The following TMTC2 variants were observed in gnomAD, a reference collection of about 807,000 sequenced individuals.
TMTC2 encodes transmembrane O-mannosyltransferase targeting cadherins 2, also known as protein O-mannosyl-transferase TMTC2.
In TMTC2, 43 loss-of-function variants were observed where a neutral mutation model predicts 82.4. That is an observed-to-expected ratio of 0.52 (90% CI 0.41 to 0.67). The LOEUF (loss-of-function observed/expected upper bound fraction) is 0.67, where lower values mean the gene tolerates loss of function less well. Among genes scored for constraint, TMTC2 ranks in the 30% least tolerant of loss-of-function variants. The pLI is 0.00. For synonymous variants in TMTC2, 408 were observed against 381.9 expected, an observed-to-expected ratio of 1.07 and a Z score of -0.80; for missense variants, 919 against 1,012.4, an observed-to-expected ratio of 0.91 and a Z score of 1.25.
chr12:82,837,510 C>T (rs1371996029), intron 1 of TMTC2, among the ~76,000 whole-genome samples: 1 of 152,166 alleles, frequency 6.6e-6, no homozygotes, highest in Non-Finnish European at 1.5e-5. Context: ...AATTAACTGT[C>T]TGTCATCCCA....
intron 3 of TMTC2, among the ~76,000 whole-genome samples, chr12:82,911,200 C>G (rs530689279): frequency 1.3e-5 from 2 of 152,070 alleles, no homozygotes; most frequent in East Asian, 3.9e-4. Flanking sequence ...TTTTACAGCC[C>G]CAGGGTTTGG....
intron 2 of TMTC2, among the ~76,000 whole-genome samples, chr12:82,875,718 A>G (rs1327448252): frequency 1.3e-5 from 2 of 152,188 alleles, no homozygotes; most frequent in South Asian, 2.1e-4. Context: ...AACCACCTCT[A>G]GAAGTTCACA....
intron 1 of TMTC2, among the ~76,000 whole-genome samples, chr12:82,694,351 G>T (rs1167652294): frequency 6.6e-6 from 1 of 152,152 alleles, no homozygotes; most frequent in Non-Finnish European, 1.5e-5. Flanking sequence ...CCTGGATTTA[G>T]ATTCCATTTT....
chr12:83,070,652 C>A (rs970709189), intron 11 of TMTC2, among the ~76,000 whole-genome samples: 5 of 152,180 alleles, frequency 3.3e-5, no homozygotes, highest in Non-Finnish European at 7.4e-5. Context: ...GACAGTTTGA[C>A]TTCCTCTTTA....
At chr12:83,089,318 A>G (rs1416760668) in intron 11 of TMTC2, among the ~76,000 whole-genome samples, 1 of 152,206 alleles carries the variant, frequency 6.6e-6, no homozygotes, top group Non-Finnish European at 1.5e-5. Context: ...TACACAAATT[A>G]ACTTGATTTC....
intron 8 of TMTC2, among the ~76,000 whole-genome samples, chr12:83,000,619 G>T (rs1238419705): frequency 1.3e-5 from 2 of 152,168 alleles, no homozygotes; most frequent in Non-Finnish European, 2.9e-5. Context: ...CTTTCCAGGT[G>T]CATGGTGCAA....
intron 11 of TMTC2, among the ~76,000 whole-genome samples, chr12:83,088,851 G>A (rs1380681047): frequency 1.3e-5 from 2 of 152,202 alleles, no homozygotes; most frequent in Non-Finnish European, 1.5e-5. Context: ...AGGGGCTGAA[G>A]AAAGAGGCTG....
At chr12:82,773,605 C>T (rs894564472) in intron 1 of TMTC2, among the ~76,000 whole-genome samples, 2 of 151,040 alleles carry the variant, frequency 1.3e-5, no homozygotes, top group Non-Finnish European at 3.0e-5. Context: ...GGATTACAGG[C>T]GTGTGCCACC....
intron 11 of TMTC2, among the ~76,000 whole-genome samples, chr12:83,103,568 A>G (rs1884297614): frequency 6.6e-6 from 1 of 152,118 alleles, no homozygotes. Context: ...GGACAGCACC[A>G]AGCCATGAGG....
chr12:82,695,161 G>A (rs758386583), intron 1 of TMTC2, among the ~76,000 whole-genome samples: 10 of 152,272 alleles, frequency 6.6e-5, no homozygotes, highest in East Asian at 1.9e-4. Context: ...TTAAAAATCC[G>A]GTGGGAAGAA....
chr12:83,002,162 T>C (rs7964391), intron 8 of TMTC2, among the ~76,000 whole-genome samples: 10,777 of 152,260 alleles, frequency 0.071, 521 homozygotes, highest in African/African-American at 0.13. Flanking sequence ...AAACTCATTA[T>C]TGATCTCTTC....
chr12:83,075,724 A>G (rs1883265427), intron 11 of TMTC2, among the ~76,000 whole-genome samples: 1 of 152,194 alleles, frequency 6.6e-6, no homozygotes, highest in South Asian at 2.1e-4. Flanking sequence ...CATTTCCCTG[A>G]CAGCTTCAGT....
chr12:82,997,709 A>T (rs1879729314), intron 8 of TMTC2, among the ~76,000 whole-genome samples: 2 of 151,818 alleles, frequency 1.3e-5, no homozygotes, highest in South Asian at 4.2e-4. Context: ...TCAAAGCAGT[A>T]TTCCTAAAAT....
intron 2 of TMTC2, among the ~76,000 whole-genome samples, chr12:82,887,339 G>A (rs2137165350): frequency 6.6e-6 from 1 of 152,270 alleles, no homozygotes; most frequent in Middle Eastern, 3.4e-3. Context: ...GAGGGGAGCT[G>A]TTATAGTTGA....
chr12:82,781,399 CTTTTTTTTTT>C (rs71068954), intron 1 of TMTC2, among the ~76,000 whole-genome samples: 1 of 121,172 alleles, frequency 8.3e-6, no homozygotes, highest in Non-Finnish European at 1.7e-5. Flanking sequence ...GGAGTTTGCT[CTTTTTTTTTT>C]TTTTTTTTTT....
chr12:82,816,964 CTTTG>C (rs1162584290), intron 1 of TMTC2, among the ~76,000 whole-genome samples: 1 of 146,282 alleles, frequency 6.8e-6, no homozygotes, highest in African/African-American at 2.5e-5. Flanking sequence ...ATTTTTCTTT[CTTTG>C]TTTTTTTTTT....
intron 1 of TMTC2, among the ~76,000 whole-genome samples, chr12:82,776,362 C>A (rs570019810): frequency 1.3e-5 from 2 of 152,090 alleles, no homozygotes; most frequent in African/African-American, 4.8e-5. Flanking sequence ...CATCCTGTGT[C>A]CACTCTGGGT....
At chr12:82,963,758 A>C (rs564892912) in intron 4 of TMTC2, among the ~76,000 whole-genome samples, 1 of 122,810 alleles carries the variant, frequency 8.1e-6, no homozygotes, top group Non-Finnish European at 1.6e-5. Context: ...CAGCATATTA[A>C]TTTCATGATC....
chr12:83,114,865 G>C lies in TMTC2; in HGVS notation c.2332-17345G>C, dbSNP rs554861480. Among the ~76,000 whole-genome samples the C allele has an allele frequency of 1.2e-3, 175 of 151,356 alleles. 1 individual carries two copies. The highest frequency in any genetic ancestry group is 0.01 in the Middle Eastern group (3 of 286). ...ATATATGTATATATCTGATATATGTGTGTATATATGTATATGTGTGTATAT... is the reference window on the plus strand; with the variant it reads ...ATATATGTATATATCTGATATATGTCTGTATATATGTATATGTGTGTATAT... On this transcript the variant is annotated intron_variant, in intron 11 of 11. Coordinates refer to ENST00000321196, the MANE Select transcript of TMTC2 (RefSeq NM_152588.3).
Sources: gnomAD v4.1 joint callset for allele counts (sites outside exome capture counted in the v4.1 genomes callset) on GRCh38, gnomAD v4.1.1 for gene constraint, MANE v1.5 for transcripts, NCBI Gene and HGNC (gene_info 2026-07-23, HGNC 2026-07-21) for gene names.